ACTN4: variants seen among roughly 807,000 people sequenced by gnomAD.
ACTN4 encodes alpha-actinin-4.
Under a neutral mutation model 114.2 loss-of-function variants are expected in ACTN4, and 18 were observed. That is an observed-to-expected ratio of 0.16 (90% CI 0.11 to 0.23). The LOEUF is 0.23. ACTN4 is among the 10% of genes least tolerant of loss of function. ACTN4 has a pLI of 1.00. For synonymous variants in ACTN4, 515 were observed against 506.3 expected (o/e 1.02, Z -0.23); for missense variants, 722 against 1,262.9 (o/e 0.57, Z 6.49).
At chr19:38,721,503 G>A (rs117657955) in intron 11 of ACTN4, 35 bp from the exon 12 acceptor site, 345 of 1,612,298 alleles carry the variant, frequency 2.1e-4, no homozygotes, top group Non-Finnish European at 2.7e-4. Flanking sequence ...CACAGCTGCC[G>A]TGCTGTGGTC....
intron 1 of ACTN4, among the ~76,000 whole-genome samples, chr19:38,688,742 CA>C (rs756068729): frequency 2.0e-5 from 3 of 149,504 alleles, no homozygotes; most frequent in Non-Finnish European, 3.0e-5. Context: ...CAAAAAAAAA[CA>C]GAAAACCACA....
In ACTN4 at chr19:38,704,825, T is replaced by G. The variant is rs1032039869; in HGVS notation, c.398-109T>G. On this transcript the variant is annotated intron_variant, in intron 3 of 20. Transcript: ENST00000252699. ...CCTGGGAGATGCAACCAGGGGGTGGTTTGGAGCCTTTCTCTAGATGGGGCT... is the reference window on the plus strand; with the variant it reads ...CCTGGGAGATGCAACCAGGGGGTGGGTTGGAGCCTTTCTCTAGATGGGGCT... The G allele has an allele frequency of 3.2e-6, 3 of 946,018 alleles. No homozygotes were observed. The Admixed American group carries it at 5.6e-5, about 18-fold the overall frequency. 58.6% of individuals were successfully genotyped at this position (946,018 alleles called of 1,614,324 possible).
In ACTN4 at chr19:38,727,634, C is replaced by A. The variant is rs2279147; in HGVS notation, c.2338-312C>A. 2.9e-4 allele frequency among the ~76,000 whole-genome samples: 41 copies of A among 140,218 alleles called. No individual in the cohort carries two copies. In the East Asian group the frequency reaches 8.1e-3, roughly 28 times the overall value. 92.0% of individuals were successfully genotyped at this position (140,218 alleles called of 152,430 possible). ...ATCCCAAAGGCAAGGAGAACCCCCC[C>A]CCCGACCCTCCACCAGTCCTGGGAC... On this transcript the variant is annotated intron_variant, in intron 18 of 20. Coordinates refer to ENST00000252699, the MANE Select transcript of ACTN4 (RefSeq NM_004924.6). The surrounding 1 kb of genome is among the most constrained non-coding windows in gnomAD (Gnocchi z 5.4).
At chr19:38,651,671 G>A (rs1202818902) in intron 1 of ACTN4, among the ~76,000 whole-genome samples, 1 of 152,066 alleles carries the variant, frequency 6.6e-6, no homozygotes, top group African/African-American at 2.4e-5. Flanking sequence ...CCATGTGGCT[G>A]TATTAGGTAT....
intron 8 of ACTN4, among the ~76,000 whole-genome samples, chr19:38,711,817 C>T (rs1208511236): frequency 1.3e-5 from 2 of 152,346 alleles, no homozygotes; most frequent in South Asian, 2.1e-4. Flanking sequence ...TCAGCATGTG[C>T]AGCCCAACCT....
At chr19:38,657,428 C>T (rs984254349) in intron 1 of ACTN4, among the ~76,000 whole-genome samples, 1 of 152,214 alleles carries the variant, frequency 6.6e-6, no homozygotes, top group East Asian at 1.9e-4. Flanking sequence ...CAGGCATGAG[C>T]CACTGTGCCC....
At chr19:38,690,328 G>T (rs1289557569) in intron 1 of ACTN4, among the ~76,000 whole-genome samples, 1 of 152,252 alleles carries the variant, frequency 6.6e-6, no homozygotes, top group Non-Finnish European at 1.5e-5. Context: ...TCCGGATCCA[G>T]CAGGGTGTCT....
intron 5 of ACTN4, 150 bp downstream of exon 5, chr19:38,706,281 G>A: frequency 2.4e-6 from 2 of 822,602 alleles, no homozygotes; most frequent in South Asian, 2.9e-5. Flanking sequence ...CAAGCCCATG[G>A]GAAGGTCACC....
rs1165121648 is a variant in ACTN4, at chr19:38,731,563, C to CA, written c.*2137dup. ...GGCACTGGAGGATATTTCTGTGCAG[C>CA]AAAAAATATAGTCAATCCCATATGG... On this transcript the variant is annotated 3_prime_UTR_variant, in exon 21 of 21. Transcript: ENST00000252699. 1 of 360,600 alleles carries CA rather than the reference C, an allele frequency of 2.8e-6. No homozygotes were observed. The highest frequency in any genetic ancestry group is 2.1e-5 in the African/African-American group (1 of 48,598). 22.3% of individuals were successfully genotyped at this position (360,600 alleles called of 1,614,324 possible).
In ACTN4 at chr19:38,647,805, T is replaced by C; in HGVS notation, c.60T>C (p.Asn20=). 3.9e-6 allele frequency: 6 copies of C among 1,552,868 alleles called. No homozygotes were observed. Among genetic ancestry groups the C allele is most frequent in the Non-Finnish European group, 4.3e-6 (5 of 1,150,920 alleles). The change falls in exon 1 of 21, where the codon AAT becomes AAC. Residue 20 remains asparagine, a synonymous_variant. Transcript: ENST00000252699. ...AGTACGGCCCCAGCAGCGCGGGCAA[T>C]GGCGCTGGCGGCGGGGGCAGCATGG... ...SYQYGPSSAG[N]GAGGGGSMGD... is the part of the protein sequence containing the mutation.
At chr19:38,650,821 C>T (rs1233123246) in intron 1 of ACTN4, among the ~76,000 whole-genome samples, 2 of 152,002 alleles carry the variant, frequency 1.3e-5, no homozygotes, top group East Asian at 1.9e-4. Flanking sequence ...CCGCAACCTC[C>T]GTCTCCCGGG....
rs1027917238 is a variant in ACTN4 at position 38,717,784 on chromosome 19, G to A, written c.1144-143G>A. 4.5e-6 allele frequency: 5 copies of A among 1,114,934 alleles called. No homozygotes were observed. In the African/African-American group the frequency reaches 7.7e-5, roughly 17 times the overall value. 69.1% of individuals were successfully genotyped at this position (1,114,934 alleles called of 1,614,324 possible). The stretch of plus-strand genomic sequence containing the variant: ...GCTGAGTGCTGGGGGGCCCTGTGTA[G>A]GCATCCAGGTATAATAGCAAAGCAT... On this transcript the variant is annotated intron_variant, in intron 10 of 20. Coordinates refer to ENST00000252699, the MANE Select transcript of ACTN4 (RefSeq NM_004924.6). The surrounding 1 kb of genome is among the most constrained non-coding windows in gnomAD (Gnocchi z 4.0).
rs1057101109 is a variant in ACTN4, at chr19:38,724,376, G to A, written c.1875+37G>A. 8.7e-6 allele frequency: 14 copies of A among 1,611,590 alleles called. No individual in the cohort carries two copies. Among genetic ancestry groups the A allele is most frequent in the African/African-American group, 6.7e-5 (5 of 74,882 alleles). On this transcript the variant is annotated intron_variant, in intron 15 of 20. Coordinates refer to ENST00000252699, the MANE Select transcript of ACTN4 (RefSeq NM_004924.6). The surrounding 1 kb of genome is among the most constrained non-coding windows in gnomAD (Gnocchi z 7.0). ...CCATCCGTAGGGGCTGGGGCAGGAC[G>A]GCGGGGCTGGGGGCCACCTCCCTGA...
In ACTN4 at chr19:38,731,136, G is replaced by A; in HGVS notation, c.*1704G>A. 6.2e-7 allele frequency: 1 copy of A among 1,612,910 alleles called. No homozygotes were observed. The highest frequency in any genetic ancestry group is 8.5e-7 in the Non-Finnish European group (1 of 1,179,916). On this transcript the variant is annotated 3_prime_UTR_variant, in exon 21 of 21. Coordinates refer to ENST00000252699, the MANE Select transcript of ACTN4 (RefSeq NM_004924.6). ...GATGCAGGTGAGGTGGGCCACACAG[G>A]ACACGAACCGCTCGAAGTCCACACG...
rs746854847 is a variant in ACTN4, at chr19:38,731,079, T to A, written c.*1647T>A. On this transcript the variant is annotated 3_prime_UTR_variant, in exon 21 of 21. Transcript: ENST00000252699. ...CCAGTCCCCGTACCCCTTCCCCCCA[T>A]GCCCCACCATGCCGGGGTGGTACTC... 1.8e-6 allele frequency: 2 copies of A among 1,081,122 alleles called. No homozygotes were observed. Among genetic ancestry groups the A allele is most frequent in the Non-Finnish European group, 2.6e-6 (2 of 769,124 alleles). The allele number at this position is 1,081,122 out of a possible 1,614,324, so 67.0% of individuals were successfully genotyped here.
intron 4 of ACTN4, 45 bp from the exon 5 acceptor site, chr19:38,705,999 G>C (rs1476464840): frequency 6.2e-7 from 1 of 1,604,254 alleles, no homozygotes; most frequent in Admixed American, 1.7e-5. Context: ...GAGTTCTGAG[G>C]GTTTATTTTT....
At chr19:38,668,155 G>A (rs1967020915) in intron 1 of ACTN4, among the ~76,000 whole-genome samples, 1 of 152,202 alleles carries the variant, frequency 6.6e-6, no homozygotes, top group East Asian at 1.9e-4. Context: ...AAATGCTAAT[G>A]CAGGATCAGG....
chr19:38,726,428 A>C (rs1185475539), intron 17 of ACTN4, among the ~76,000 whole-genome samples: 1 of 152,194 alleles, frequency 6.6e-6, no homozygotes, highest in East Asian at 1.9e-4. Context: ...CACAGAGGGC[A>C]CCGTTTGCCC....
chr19:38,678,754 G>T (rs759489607), intron 1 of ACTN4, among the ~76,000 whole-genome samples: 1 of 152,130 alleles, frequency 6.6e-6, no homozygotes, highest in Admixed American at 6.5e-5. Flanking sequence ...GACCAATCCC[G>T]TGGAATCAGC....
Sources: gnomAD v4.1 joint callset for allele counts (sites outside exome capture counted in the v4.1 genomes callset) on GRCh38, gnomAD v4.1.1 for gene constraint, Gnocchi (gnomAD v3.1) non-coding constraint, MANE v1.5 for transcripts, NCBI Gene and HGNC (gene_info 2026-07-23, HGNC 2026-07-21) for gene names.